The following LAMA1 variants were observed in gnomAD, a reference collection of about 807,000 sequenced individuals.
The protein encoded by LAMA1 is laminin subunit alpha 1.
A neutral mutation model predicts 348.7 loss-of-function variants in LAMA1; 219 were observed. That is an observed-to-expected ratio of 0.63 (90% CI 0.56 to 0.70). LAMA1 has a LOEUF of 0.70. Among genes scored for constraint, LAMA1 ranks in the 30% least tolerant of loss-of-function variants. The pLI, the probability that LAMA1 is intolerant of heterozygous loss-of-function variation, is 0.00. For missense variants in LAMA1, 3,744 were observed against 3,888.0 expected (o/e 0.96, Z 0.99); for synonymous variants, 1,487 against 1,491.0 (o/e 1.00, Z 0.06).
At chr18:6,989,906 T>C (rs2057751351) in intron 36 of LAMA1, among the ~76,000 whole-genome samples, 1 of 152,146 alleles carries the variant, frequency 6.6e-6, no homozygotes, top group Admixed American at 6.5e-5. Flanking sequence ...CCTAGGAAGG[T>C]TAATATTTGT....
chr18:7,040,052 G>A (rs768817641), intron 10 of LAMA1, 24 bp downstream of exon 10: 1 of 1,613,164 alleles, frequency 6.2e-7, no homozygotes, highest in South Asian at 1.1e-5. Flanking sequence ...GAAGCTCAGG[G>A]GTGTCTCTGA....
At chr18:7,019,561 A>G (rs2057905853) in intron 19 of LAMA1, among the ~76,000 whole-genome samples, 2 of 152,040 alleles carry the variant, frequency 1.3e-5, no homozygotes, top group South Asian at 4.2e-4. Context: ...GAGGCGAAAT[A>G]ATGTTCTCTA....
intron 16 of LAMA1, among the ~76,000 whole-genome samples, chr18:7,026,821 C>T (rs1371356093): frequency 6.6e-6 from 1 of 152,044 alleles, no homozygotes; most frequent in African/African-American, 2.4e-5. Flanking sequence ...CACGGTGAAA[C>T]CCCATCTCTA....
At position 6,950,871 on chromosome 18, in the gene LAMA1, C is replaced by T. The variant is rs368663897; in HGVS notation, c.8308G>A (p.Gly2770Arg). ...TCAAACATGAAGTGGAGGCGGCCCC[C>T]GTGCAGCTGGAGCACAGCGTAGTCT... is the stretch of plus-strand genomic sequence containing the variant. ...QADYAVLQLH[G>R]GRLHFMFDLG... is the part of the protein sequence containing the mutation. The change falls in exon 58 of 63, where the codon GGG (glycine) becomes AGG (arginine). Residue 2770 changes from glycine (G) to arginine (R), a missense_variant. Physicochemically the swap from Gly to Arg is moderately radical, Grantham distance 125. Around this residue, in one of 3 missense-constraint regions of LAMA1, gnomAD observed 1,983 missense variants for 1,934.3 expected, o/e 1.03. Transcript: ENST00000389658. 1.9e-5 allele frequency: 30 copies of T among 1,614,040 alleles called. No individual in the cohort carries two copies. The highest frequency in any genetic ancestry group is 6.7e-5 in the Admixed American group (4 of 60,006).
chr18:7,023,484 T>C (rs2057927856), intron 18 of LAMA1, 109 bp from the exon 19 acceptor site: 1 of 887,592 alleles, frequency 1.1e-6, no homozygotes, highest in East Asian at 2.5e-5. Flanking sequence ...CTCTGTTCCC[T>C]GAGATTTACT....
intron 62 of LAMA1, 101 bp downstream of exon 62, chr18:6,943,079 A>C: frequency 1.0e-6 from 1 of 1,004,208 alleles, no homozygotes; most frequent in Non-Finnish European, 1.6e-6. Flanking sequence ...TGTCACCCAA[A>C]CCATGTACCT....
In LAMA1 at chr18:6,988,421, A is replaced by G. The variant is rs60052995; in HGVS notation, c.5169-2074T>C. ...CTCCACGGGGCTGCTGATGTGCGTCAGCGTACTAAAAGCTTTGAGAAGACC... is the reference window on the plus strand; with the variant it reads ...CTCCACGGGGCTGCTGATGTGCGTCGGCGTACTAAAAGCTTTGAGAAGACC... On this transcript the variant is annotated intron_variant, in intron 36 of 62. Transcript: ENST00000389658. Among the ~76,000 whole-genome samples, 700 of 152,332 alleles carry G rather than the reference A, an allele frequency of 4.6e-3. 5 individuals are homozygous for G. The highest frequency in any genetic ancestry group is 0.016 in the African/African-American group (663 of 41,582).
chr18:7,011,882 T>C, intron 24 of LAMA1, 113 bp downstream of exon 24: 1 of 1,288,194 alleles, frequency 7.8e-7, no homozygotes, highest in Non-Finnish European at 1.1e-6. Context: ...CCTAGAATTT[T>C]GGATGCCATA....
At chr18:7,015,493 T>G (rs2144124548) in intron 22 of LAMA1, among the ~76,000 whole-genome samples, 1 of 151,812 alleles carries the variant, frequency 6.6e-6, no homozygotes, top group East Asian at 1.9e-4. Flanking sequence ...TTGCCCAGGC[T>G]GGTCTTGAAT....
chr18:7,106,676 T>A (rs1352701750), intron 1 of LAMA1, among the ~76,000 whole-genome samples: 1 of 151,876 alleles, frequency 6.6e-6, no homozygotes, highest in Non-Finnish European at 1.5e-5. Context: ...ATTTTTAAAA[T>A]GCAAATGATA....
chr18:7,073,801 T>C (rs1480678687), intron 3 of LAMA1, among the ~76,000 whole-genome samples: 3 of 151,900 alleles, frequency 2.0e-5, no homozygotes, highest in Non-Finnish European at 2.9e-5. Context: ...TATGTTTATT[T>C]CTGAGGAACA....
At chr18:7,075,968 AATT>A (rs1291519504) in intron 3 of LAMA1, among the ~76,000 whole-genome samples, 1 of 152,106 alleles carries the variant, frequency 6.6e-6, no homozygotes, top group Non-Finnish European at 1.5e-5. Context: ...TCCATAATGC[AATT>A]ATTGACTCAG....
chr18:6,963,726 C>A (rs956696335), intron 51 of LAMA1, among the ~76,000 whole-genome samples: 1 of 152,208 alleles, frequency 6.6e-6, no homozygotes, highest in East Asian at 1.9e-4. Context: ...GCTGTCTTAC[C>A]TTGACTATTG....
chr18:7,051,894 C>A (rs1346113433), intron 3 of LAMA1, among the ~76,000 whole-genome samples: 1 of 152,152 alleles, frequency 6.6e-6, no homozygotes, highest in Non-Finnish European at 1.5e-5. Flanking sequence ...AACATGCTCA[C>A]CATTCTCAGT....
chr18:7,010,774 G>A (rs1195765188), intron 25 of LAMA1, among the ~76,000 whole-genome samples: 3 of 152,120 alleles, frequency 2.0e-5, no homozygotes, highest in Non-Finnish European at 1.5e-5. Context: ...AAATCCAAGT[G>A]ATGCCTTTCA....
chr18:6,955,288 G>T, intron 57 of LAMA1, 65 bp downstream of exon 57: 1 of 1,237,302 alleles, frequency 8.1e-7, no homozygotes, highest in Non-Finnish European at 1.2e-6. Flanking sequence ...AGACTCTGTG[G>T]CTGCAGAACA....
intron 1 of LAMA1, among the ~76,000 whole-genome samples, chr18:7,095,795 C>T (rs552889292): frequency 1.6e-4 from 24 of 152,328 alleles, no homozygotes; most frequent in Admixed American, 9.8e-4. Context: ...GTAGGCCAGG[C>T]GCTGTGGCTC....
In LAMA1 at chr18:6,974,725, G is replaced by A. The variant is rs137948170; in HGVS notation, c.6623+178C>T. On this transcript the variant is annotated intron_variant, in intron 46 of 62. Transcript: ENST00000389658. ...GGCCTCCGAAAGTGCTGGGATTACA[G>A]GTGTGAGCCACTGGCCACAAATGCT... 6.2e-3 allele frequency among the ~76,000 whole-genome samples: 949 copies of A among 152,206 alleles called. 8 individuals carry two copies. Among genetic ancestry groups the A allele is most frequent in the African/African-American group, 0.021 (891 of 41,530 alleles).
chr18:7,107,917 G>C (rs2058319981), intron 1 of LAMA1, among the ~76,000 whole-genome samples: 1 of 152,026 alleles, frequency 6.6e-6, no homozygotes, highest in South Asian at 2.1e-4. Context: ...TGGAGGCTGA[G>C]GCAGGAGAAT....
Sources: gnomAD v4.1 joint callset for allele counts (sites outside exome capture counted in the v4.1 genomes callset) on GRCh38, gnomAD v4.1.1 for gene constraint, gnomAD v4.1.1 regional missense constraint, MANE v1.5 for transcripts, NCBI Gene and HGNC (gene_info 2026-07-23, HGNC 2026-07-21) for gene names.